Variants in AMZ1 observed in about 807,000 individuals in gnomAD.
AMZ1 encodes the protein archaemetzincin-1.
In AMZ1, 39 loss-of-function variants were observed where a neutral mutation model predicts 29.9. The observed-to-expected ratio is 1.30, with a 90% CI of 1.01 to 1.70. The LOEUF is 1.70. AMZ1 is among the 40% of genes most tolerant of loss of function. AMZ1 has a pLI of 0.00. For synonymous variants in AMZ1, 458 were observed against 304.0 expected (o/e 1.51, Z -5.27); for missense variants, 1,041 against 680.6 (o/e 1.53, Z -5.89).
At chr7:2,742,746 C>A (rs532050752) in intron 4 of AMZ1, among the ~76,000 whole-genome samples, 2 of 152,226 alleles carry the variant, frequency 1.3e-5, no homozygotes, top group Admixed American at 1.3e-4. Context: ...AGGTGATGCA[C>A]ATCTTCCCTT....
In AMZ1 at chr7:2,709,351, C is replaced by A; in HGVS notation, c.771+107C>A. ...CCATCCTCACAGTGAAGTGGATGGACCCCTAACTCTATGGAATGAGGAAAG... is the reference window on the plus strand; with the variant it reads ...CCATCCTCACAGTGAAGTGGATGGAACCCTAACTCTATGGAATGAGGAAAG... On this transcript the variant is annotated intron_variant, in intron 5 of 6. Coordinates refer to ENST00000683327, the MANE Select transcript of AMZ1 (RefSeq NM_001384743.1). 2.5e-6 allele frequency: 3 copies of A among 1,205,922 alleles called. No individual in the cohort carries two copies. The South Asian group carries it at 5.1e-5, about 20-fold the overall frequency. 74.7% of individuals were successfully genotyped at this position (1,205,922 alleles called of 1,614,324 possible).
At position 2,691,055 on chromosome 7, in the gene AMZ1, C is replaced by T. The variant is rs192602555; in HGVS notation, c.-219+2759C>T. Among the ~76,000 whole-genome samples, 423 of 143,490 alleles carry T rather than the reference C, an allele frequency of 2.9e-3. 3 individuals are homozygous for T. The highest frequency in any genetic ancestry group is 0.01 in the African/African-American group (395 of 37,680). The allele number at this position is 143,490 out of a possible 152,430, so 94.1% of individuals were successfully genotyped here. A position where few individuals can be genotyped will look rare whatever the true frequency, so the allele number is the denominator to read the frequency against. Reference sequence around the variant, plus strand: ...ACTAGGGAGGCTGAGGCATGAGAATCGCTTGAACCCTGGAGGAGAAGGAGG... The same window carrying T: ...ACTAGGGAGGCTGAGGCATGAGAATTGCTTGAACCCTGGAGGAGAAGGAGG... On this transcript the variant is annotated intron_variant, in intron 1 of 6. Coordinates refer to ENST00000683327, the MANE Select transcript of AMZ1 (RefSeq NM_001384743.1).
upstream of AMZ1, among the ~76,000 whole-genome samples, chr7:2,763,730 T>C (rs1445978687): frequency 1.3e-5 from 2 of 152,236 alleles, no homozygotes; most frequent in Non-Finnish European, 2.9e-5. Context: ...CTTCTAAATG[T>C]GCCTTCCCTG....
intron 4 of AMZ1, chr7:2,730,920 G>C: frequency 2.2e-6 from 1 of 453,894 alleles, no homozygotes; most frequent in African/African-American, 1.9e-5. Flanking sequence ...TGTGTGATTA[G>C]GTGTTCCGTA....
rs1490667012 is a variant in AMZ1, at chr7:2,709,138, C to T, written c.665C>T (p.Pro222Leu). The change falls in exon 5 of 7, where the codon CCT (proline) becomes CTT (leucine). Residue 222 changes from proline (P) to leucine (L), a missense_variant. By Grantham distance (98) the Pro-to-Leu change is moderately conservative. Transcript: ENST00000683327. ...GEFPKSGPSA[P>L]DLALVEAAAD... ...TTCCCGAAGTCGGGGCCCAGCGCCC[C>T]TGATCTGGCCCTGGTAGAGGCAGCA... 6.3e-7 allele frequency: 1 copy of T among 1,596,186 alleles called. No individual in the cohort carries two copies. The highest frequency in any genetic ancestry group is 2.3e-5 in the East Asian group (1 of 44,222).
chr7:2,729,567 C>T (rs946502957), intron 4 of AMZ1: 5 of 152,406 alleles, frequency 3.3e-5, no homozygotes, highest in Non-Finnish European at 4.4e-5. Flanking sequence ...CAGGTTTCCC[C>T]TCCCTCTTCT....
At chr7:2,693,472 T>C (rs975952381) in intron 1 of AMZ1, among the ~76,000 whole-genome samples, 1 of 152,070 alleles carries the variant, frequency 6.6e-6, no homozygotes, top group Admixed American at 6.6e-5. Flanking sequence ...CTTGGACTCC[T>C]GGGCTGGAGA....
Position 2,708,660 on chromosome 7 carries a change from A to G in AMZ1, c.545A>G (p.Asp182Gly), listed in dbSNP as rs757058683. The change falls in exon 4 of 7, where the codon GAC becomes GGC. Residue 182 changes from aspartate (D) to glycine (G), a missense_variant. By Grantham distance (94) the Asp-to-Gly change is moderately conservative. Coordinates refer to ENST00000683327, the MANE Select transcript of AMZ1 (RefSeq NM_001384743.1). ...ALCVLGLTLS[D>G]LYPHEAWSFT... ...TGTGTGCTGGGCCTCACACTGTCTG[A>G]CCTGTACCCCCATGAGGCCTGGAGC... 6.2e-7 allele frequency: 1 copy of G among 1,613,116 alleles called. No homozygotes were observed. Among genetic ancestry groups the G allele is most frequent in the Non-Finnish European group, 8.5e-7 (1 of 1,179,986 alleles).
intron 4 of AMZ1, among the ~76,000 whole-genome samples, chr7:2,744,208 G>C (rs113069252): frequency 6.6e-6 from 1 of 152,198 alleles, no homozygotes; most frequent in Non-Finnish European, 1.5e-5. Context: ...ATCTGAGAAC[G>C]GGCAGACTGC....
At chr7:2,706,627 C>T (rs139737833) in intron 3 of AMZ1, among the ~76,000 whole-genome samples, 2 of 152,324 alleles carry the variant, frequency 1.3e-5, no homozygotes, top group African/African-American at 4.8e-5. Flanking sequence ...CCAACCTCAG[C>T]CTTTGACTTC....
At chr7:2,758,936 T>C (rs1357300658) in intron 4 of AMZ1, among the ~76,000 whole-genome samples, 3 of 151,786 alleles carry the variant, frequency 2.0e-5, no homozygotes, top group Non-Finnish European at 4.4e-5. Flanking sequence ...AGGTCAGGAG[T>C]TCGAGACCAG....
At chr7:2,721,894 A>G (rs886559899), downstream of AMZ1, among the ~76,000 whole-genome samples, 2 of 152,226 alleles carry the variant, frequency 1.3e-5, no homozygotes, top group Non-Finnish European at 2.9e-5. Flanking sequence ...CACCGTGGCT[A>G]TAACATATAT....
Position 2,731,166 on chromosome 7 carries a change from C to G in AMZ1, n.550+21350C>G. On this transcript the variant is annotated intron_variant and non_coding_transcript_variant, in intron 4 of 4. Coordinates refer to the AMZ1 transcript ENST00000489665. The surrounding 1 kb of genome is among the most constrained non-coding windows in gnomAD (Gnocchi z 6.0). ...GGGGGCTGCTCAACGACGACAAACCCCGGGGCTTCCTCGCTCACTGCAGCA... is the reference window on the plus strand; with the variant it reads ...GGGGGCTGCTCAACGACGACAAACCGCGGGGCTTCCTCGCTCACTGCAGCA... 6.3e-7 allele frequency: 1 copy of G among 1,582,858 alleles called. No homozygotes were observed. The highest frequency in any genetic ancestry group is 8.6e-7 in the Non-Finnish European group (1 of 1,158,992).
chr7:2,689,758 A>G (rs1787277594), intron 1 of AMZ1, among the ~76,000 whole-genome samples: 1 of 152,138 alleles, frequency 6.6e-6, no homozygotes, highest in South Asian at 2.1e-4. Flanking sequence ...GAGGAGGGGG[A>G]CACACTGTGA....
At chr7:2,687,523 C>T, upstream of AMZ1, among the ~76,000 whole-genome samples, 1 of 152,228 alleles carries the variant, frequency 6.6e-6, no homozygotes, top group Non-Finnish European at 1.5e-5. Context: ...CCTCTGGGCT[C>T]TGTCTGGAGC....
chr7:2,718,201 G>C lies in AMZ1; in HGVS notation c.*5323G>C, dbSNP rs1789241356. ...TCACATGGAAACTGAGCCCGGCATG[G>C]AGTCACGTGGCTCCACCCTGGGGCT... On this transcript the variant is annotated 3_prime_UTR_variant, in exon 7 of 7. Coordinates refer to ENST00000683327, the MANE Select transcript of AMZ1 (RefSeq NM_001384743.1). Among the ~76,000 whole-genome samples the C allele has an allele frequency of 6.6e-6, 1 of 152,224 alleles. No individual in the cohort carries two copies. The highest frequency in any genetic ancestry group is 6.5e-5 in the Admixed American group (1 of 15,282).
chr7:2,724,999 C>A (rs1411686053), intron 4 of AMZ1, among the ~76,000 whole-genome samples: 2 of 152,174 alleles, frequency 1.3e-5, no homozygotes, highest in Non-Finnish European at 2.9e-5. Context: ...TGAGTTCTAC[C>A]CACTTCCTAC....
intron 4 of AMZ1, among the ~76,000 whole-genome samples, chr7:2,737,977 G>A (rs1407885792): frequency 6.6e-6 from 1 of 152,170 alleles, no homozygotes; most frequent in Non-Finnish European, 1.5e-5. Context: ...ACATCTCACA[G>A]GGCTGGCGTG....
downstream of AMZ1, among the ~76,000 whole-genome samples, chr7:2,723,800 A>C (rs540137385): frequency 8.2e-4 from 125 of 152,260 alleles, no homozygotes; most frequent in African/African-American, 2.8e-3. Flanking sequence ...AGTACCAGAG[A>C]GCCCCGGAGC....
Sources: gnomAD v4.1 joint callset for allele counts (sites outside exome capture counted in the v4.1 genomes callset) on GRCh38, gnomAD v4.1.1 for gene constraint, Gnocchi (gnomAD v3.1) non-coding constraint, MANE v1.5 for transcripts, NCBI Gene and HGNC (gene_info 2026-07-23, HGNC 2026-07-21) for gene names.